SIPA1L1: variants seen among roughly 807,000 people sequenced by gnomAD.
SIPA1L1 encodes the protein signal-induced proliferation-associated 1-like protein 1.
SIPA1L1 carries 26 observed loss-of-function variants against 162.7 expected under a neutral mutation model. That is an observed-to-expected ratio of 0.16 (90% CI 0.12 to 0.22). The LOEUF (loss-of-function observed/expected upper bound fraction) is 0.22. Among genes scored for constraint, SIPA1L1 ranks in the 10% least tolerant of loss-of-function variants. The pLI, the probability that SIPA1L1 is intolerant of heterozygous loss-of-function variation, is 1.00. For missense variants in SIPA1L1, 1,874 were observed against 2,241.0 expected (o/e 0.84, Z 3.31); for synonymous variants, 829 against 837.4 (o/e 0.99, Z 0.17).
chr14:71,604,555 TG>T (rs2037252473), intron 5 of SIPA1L1, among the ~76,000 whole-genome samples: 1 of 152,210 alleles, frequency 6.6e-6, no homozygotes, highest in African/African-American at 2.4e-5. Context: ...TTTTTAGCAC[TG>T]AATTTAACAC....
intron 2 of SIPA1L1, among the ~76,000 whole-genome samples, chr14:71,456,875 T>C (rs2046221747): frequency 6.6e-6 from 1 of 152,246 alleles, no homozygotes; most frequent in African/African-American, 2.4e-5. Context: ...AGCATTAAGT[T>C]TGTGCAGAAG....
At chr14:71,684,459 C>G (rs1195741542) in intron 12 of SIPA1L1, among the ~76,000 whole-genome samples, 1 of 152,268 alleles carries the variant, frequency 6.6e-6, no homozygotes, top group Non-Finnish European at 1.5e-5. Flanking sequence ...GCCGGACGCC[C>G]TTTGGGCCTG....
chr14:71,386,908 TCTTCCC>T (rs2141275767), intron 2 of SIPA1L1, among the ~76,000 whole-genome samples: 1 of 152,228 alleles, frequency 6.6e-6, no homozygotes, highest in African/African-American at 2.4e-5. Flanking sequence ...GTGTGAAAAA[TCTTCCC>T]TATGAACAGT....
At chr14:71,591,850 G>T (rs1217547536) in intron 5 of SIPA1L1, among the ~76,000 whole-genome samples, 3 of 152,154 alleles carry the variant, frequency 2.0e-5, no homozygotes. Context: ...TTTCATAGCT[G>T]TCCTGCCCAC....
chr14:71,429,345 G>A (rs2043814732), intron 2 of SIPA1L1, among the ~76,000 whole-genome samples: 1 of 151,898 alleles, frequency 6.6e-6, no homozygotes, highest in Non-Finnish European at 1.5e-5. Context: ...TAATATAAAA[G>A]CATTGTATTT....
intron 7 of SIPA1L1, 50 bp downstream of exon 7, chr14:71,624,286 G>C: frequency 6.8e-7 from 1 of 1,478,498 alleles, no homozygotes; most frequent in Non-Finnish European, 9.2e-7. Context: ...TTATTGCTAG[G>C]CTTCCGGAAT....
At chr14:71,641,022 A>G (rs1346631080) in intron 7 of SIPA1L1, among the ~76,000 whole-genome samples, 2 of 152,246 alleles carry the variant, frequency 1.3e-5, no homozygotes, top group African/African-American at 2.4e-5. Flanking sequence ...GAGAGAACTG[A>G]TGAAGACAGA....
intron 13 of SIPA1L1, among the ~76,000 whole-genome samples, chr14:71,693,722 CT>C (rs377621033): frequency 0.13 from 18,093 of 139,162 alleles, 1,116 homozygotes; most frequent in East Asian, 0.28. Context: ...TTTTTCTTTT[CT>C]TTTTTTTTTT....
At chr14:71,704,964 A>C in intron 15 of SIPA1L1, 2 of 626,896 alleles carry the variant, frequency 3.2e-6, no homozygotes, top group Non-Finnish European at 5.7e-6. Flanking sequence ...TGCGTTGTTC[A>C]TGGCCTTTGG....
chr14:71,576,088 T>A (rs2032979108), intron 4 of SIPA1L1, among the ~76,000 whole-genome samples: 1 of 152,246 alleles, frequency 6.6e-6, no homozygotes, highest in Non-Finnish European at 1.5e-5. Context: ...GGTACTAAGC[T>A]TAGGTGCTTT....
chr14:71,396,141 G>A (rs1428848975), intron 2 of SIPA1L1, among the ~76,000 whole-genome samples: 2 of 151,786 alleles, frequency 1.3e-5, no homozygotes, highest in East Asian at 1.9e-4. Flanking sequence ...AAATCCTTCC[G>A]CCATCTAGCC....
intron 2 of SIPA1L1, among the ~76,000 whole-genome samples, chr14:71,421,402 G>A (rs2140609858): frequency 6.6e-6 from 1 of 152,042 alleles, no homozygotes; most frequent in East Asian, 1.9e-4. Flanking sequence ...AGACCAGCCT[G>A]GGCAACATAG....
At chr14:71,444,585 G>C (rs954584909) in intron 2 of SIPA1L1, among the ~76,000 whole-genome samples, 5 of 152,096 alleles carry the variant, frequency 3.3e-5, no homozygotes, top group African/African-American at 1.2e-4. Context: ...TGGGAGCTTG[G>C]TTGTGGTTTA....
intron 2 of SIPA1L1, among the ~76,000 whole-genome samples, chr14:71,487,146 A>G (rs1350831596): frequency 2.0e-5 from 3 of 152,090 alleles, no homozygotes; most frequent in Non-Finnish European, 4.4e-5. Flanking sequence ...TTCAACCTGG[A>G]AACTTCTTTT....
chr14:71,627,939 T>A (rs928078614), intron 7 of SIPA1L1, among the ~76,000 whole-genome samples: 14 of 152,248 alleles, frequency 9.2e-5, no homozygotes, highest in Non-Finnish European at 1.5e-5. Flanking sequence ...TTTATTTTTT[T>A]AATTTCTAAC....
Position 71,615,192 on chromosome 14 carries a change from T to C in SIPA1L1, c.1499-3565T>C, listed in dbSNP as rs554413273. Among the ~76,000 whole-genome samples the C allele has an allele frequency of 4.6e-4, 70 of 152,284 alleles. 2 individuals are homozygous for C. The South Asian group carries it at 0.013, about 29-fold the overall frequency. ...TTATGGAAAGAATGTTCTCAGCAGA[T>C]TTTTTTCAGATGATAAAAGACTGTG... On this transcript the variant is annotated intron_variant, in intron 5 of 23. Transcript: ENST00000381232.
chr14:71,609,141 CT>C (rs1412040891), intron 5 of SIPA1L1, among the ~76,000 whole-genome samples: 1 of 152,080 alleles, frequency 6.6e-6, no homozygotes, highest in East Asian at 1.9e-4. Flanking sequence ...AGTTTTTCAG[CT>C]GTTTTTTCCA....
At chr14:71,412,255 G>A (rs757163073) in intron 2 of SIPA1L1, among the ~76,000 whole-genome samples, 1 of 152,174 alleles carries the variant, frequency 6.6e-6, no homozygotes, top group Non-Finnish European at 1.5e-5. Flanking sequence ...GGCTTTGAAT[G>A]CAGCCCAACA....
chr14:71,573,068 A>G (rs541673591), intron 4 of SIPA1L1, among the ~76,000 whole-genome samples: 2 of 152,334 alleles, frequency 1.3e-5, no homozygotes, highest in African/African-American at 4.8e-5. Context: ...GAATAAGGAA[A>G]TAGTGAGGGA....
Sources: gnomAD v4.1 joint callset for allele counts (sites outside exome capture counted in the v4.1 genomes callset) on GRCh38, gnomAD v4.1.1 for gene constraint, MANE v1.5 for transcripts, NCBI Gene and HGNC (gene_info 2026-07-23, HGNC 2026-07-21) for gene names.